Variants in CD5 observed in about 807,000 individuals in gnomAD.
CD5 encodes CD5 molecule, also known as T-cell surface glycoprotein CD5.
Under a neutral mutation model 60.3 loss-of-function variants are expected in CD5, and 36 were observed. That is an observed-to-expected ratio of 0.60 (90% CI 0.46 to 0.79). The LOEUF (loss-of-function observed/expected upper bound fraction) is 0.79, where lower values mean the gene tolerates loss of function less well. Among genes scored for constraint, CD5 ranks in the 30% least tolerant of loss-of-function variants. The pLI is 0.00. For synonymous variants in CD5, 230 were observed against 257.6 expected, an observed-to-expected ratio of 0.89 and a Z score of 1.03; for missense variants, 540 against 630.6, an observed-to-expected ratio of 0.86 and a Z score of 1.54.
chr11:61,107,164 C>T (rs1038283644), intron 1 of CD5, among the ~76,000 whole-genome samples: 2 of 152,056 alleles, frequency 1.3e-5, no homozygotes, highest in South Asian at 4.2e-4. Flanking sequence ...GAGGATTCAG[C>T]GGCTCTCATG....
the CD5 span, among the ~76,000 whole-genome samples, chr11:61,095,410 A>G: frequency 1.3e-5 from 2 of 152,094 alleles, no homozygotes; most frequent in African/African-American, 4.8e-5. Flanking sequence ...GACCTCCTCA[A>G]TTGGAAAAAT....
In CD5 at chr11:61,127,367, C is replaced by CATCCTAAGACAA. The variant is rs1377471181; in HGVS notation, c.*1093_*1094insAATCCTAAGACA. ...AAGAAGGTGAAGCAACATGGGAACA[C>CATCCTAAGACAA]ATCCTAAGACAGGTCCTTTCTCCAC... On this transcript the variant is annotated 3_prime_UTR_variant, in exon 11 of 11. Coordinates refer to ENST00000347785, the MANE Select transcript of CD5 (RefSeq NM_014207.4). 6.6e-6 allele frequency: 1 copy of CATCCTAAGACAA among 152,260 alleles called. No homozygotes were observed. The highest frequency in any genetic ancestry group is 1.5e-5 in the Non-Finnish European group (1 of 68,068). The allele number at this position is 152,260 out of a possible 1,614,324, so 9.4% of individuals were successfully genotyped here.
intron 1 of CD5, among the ~76,000 whole-genome samples, chr11:61,112,637 C>G (rs1860873581): frequency 1.5e-5 from 2 of 131,648 alleles, no homozygotes; most frequent in South Asian, 6.4e-4. Flanking sequence ...GAGGAAGACT[C>G]TGTTTCAAAA....
chr11:61,111,404 G>C (rs911270428), intron 1 of CD5, among the ~76,000 whole-genome samples: 1 of 152,194 alleles, frequency 6.6e-6, no homozygotes, highest in Non-Finnish European at 1.5e-5. Context: ...TGATGGGGCT[G>C]TGTGGAAGAT....
intron 1 of CD5, among the ~76,000 whole-genome samples, chr11:61,112,185 G>A (rs1409659334): frequency 6.6e-6 from 1 of 152,214 alleles, no homozygotes; most frequent in Non-Finnish European, 1.5e-5. Context: ...ACTCCTTCAA[G>A]GCAGACTGCC....
chr11:61,125,524 C>T (rs959874943), intron 9 of CD5, among the ~76,000 whole-genome samples: 3 of 152,168 alleles, frequency 2.0e-5, no homozygotes, highest in Non-Finnish European at 2.9e-5. Flanking sequence ...GCTGCAGGAG[C>T]GCTGTACTAA....
chr11:61,126,162 A>G (rs537271033), intron 10 of CD5, 126 bp from the exon 11 acceptor site: 420 of 210,300 alleles, frequency 2.0e-3, no homozygotes, highest in Non-Finnish European at 3.3e-3. Context: ...CAGCGGGCAG[A>G]AGGAGCCCCT....
upstream of CD5, among the ~76,000 whole-genome samples, chr11:61,101,697 A>G (rs570705319): frequency 6.6e-6 from 1 of 151,338 alleles, no homozygotes; most frequent in African/African-American, 2.4e-5. Context: ...AATCACACAC[A>G]TCAACATGGA....
upstream of CD5, among the ~76,000 whole-genome samples, chr11:61,098,551 A>G (rs1860613349): frequency 1.3e-5 from 2 of 152,230 alleles, no homozygotes; most frequent in South Asian, 4.1e-4. Context: ...TGTTATCTAT[A>G]GATTACAGAC....
At chr11:61,100,269 A>C (rs1483705579), upstream of CD5, among the ~76,000 whole-genome samples, 1 of 148,062 alleles carries the variant, frequency 6.8e-6, no homozygotes, top group Non-Finnish European at 1.5e-5. Flanking sequence ...GAGATCACAC[A>C]CACATCAACA....
upstream of CD5, among the ~76,000 whole-genome samples, chr11:61,100,056 ACATCAACATGGAGATCACTCACACACAT>A (rs1860641630): frequency 1.1e-5 from 1 of 92,322 alleles, no homozygotes; most frequent in Non-Finnish European, 2.3e-5. Context: ...TCACACACAC[ACATCAACATGGAGATCACTCACACACAT>A]CAACATGGAG....
chr11:61,115,205 C>A (rs1220710932), intron 2 of CD5, 111 bp downstream of exon 2: 3 of 950,448 alleles, frequency 3.2e-6, no homozygotes, highest in African/African-American at 1.6e-5. Context: ...CCAGAGTGAA[C>A]CCCACCCTAT....
At chr11:61,098,369 G>C (rs114355607), upstream of CD5, among the ~76,000 whole-genome samples, 926 of 152,296 alleles carry the variant, frequency 6.1e-3, 9 homozygotes, top group African/African-American at 0.021. Context: ...CCACTCATGA[G>C]TGAGATTCTC....
chr11:61,116,124 C>T (rs985923674), intron 2 of CD5, among the ~76,000 whole-genome samples: 3 of 152,038 alleles, frequency 2.0e-5, no homozygotes, highest in African/African-American at 7.3e-5. Flanking sequence ...CCGTGGTTCC[C>T]GACCAGGGAA....
At chr11:61,124,499 C>T (rs1225129877) in intron 8 of CD5, among the ~76,000 whole-genome samples, 8 of 152,104 alleles carry the variant, frequency 5.3e-5, no homozygotes, top group Non-Finnish European at 1.2e-4. Flanking sequence ...GCAGCCAGCC[C>T]AACACCATCC....
upstream of CD5, among the ~76,000 whole-genome samples, chr11:61,101,235 A>T (rs1290870705): frequency 1.8e-5 from 2 of 110,100 alleles, no homozygotes; most frequent in African/African-American, 6.3e-5. Context: ...CAACATGGAG[A>T]TCACATTCAC....
chr11:61,113,509 C>T (rs1860888871), intron 1 of CD5, among the ~76,000 whole-genome samples: 1 of 152,254 alleles, frequency 6.6e-6, no homozygotes. Flanking sequence ...AACTAGCTGG[C>T]TACACTACTG....
chr11:61,099,978 TCA>T (rs1860639545), upstream of CD5, among the ~76,000 whole-genome samples: 1 of 115,300 alleles, frequency 8.7e-6, no homozygotes, highest in African/African-American at 3.6e-5. Context: ...GAGATCACAT[TCA>T]CACACATCAA....
upstream of CD5, among the ~76,000 whole-genome samples, chr11:61,098,813 G>A (rs531511593): frequency 1.4e-4 from 22 of 152,290 alleles, no homozygotes; most frequent in African/African-American, 5.3e-4. Flanking sequence ...GGTGTCTGAG[G>A]GGTTTTGTCT....
Sources: gnomAD v4.1 joint callset for allele counts (sites outside exome capture counted in the v4.1 genomes callset) on GRCh38, gnomAD v4.1.1 for gene constraint, MANE v1.5 for transcripts, NCBI Gene and HGNC (gene_info 2026-07-23, HGNC 2026-07-21) for gene names.